PPP5C: variants seen among roughly 807,000 people sequenced by gnomAD.
PPP5C encodes the protein protein phosphatase 5 catalytic subunit.
In PPP5C, 21 loss-of-function variants were observed where a neutral mutation model predicts 66.7. That is an observed-to-expected ratio of 0.31 (90% CI 0.22 to 0.45). The LOEUF is 0.45. PPP5C is among the 20% of genes least tolerant of loss of function. The pLI, the probability that PPP5C is intolerant of heterozygous loss-of-function variation, is 1.00. For missense variants in PPP5C, 464 were observed against 675.9 expected, an observed-to-expected ratio of 0.69 and a Z score of 3.48; for synonymous variants, 246 against 257.4, an observed-to-expected ratio of 0.96 and a Z score of 0.43.
At chr19:46,356,298 G>A (rs944692829) in intron 2 of PPP5C, among the ~76,000 whole-genome samples, 4 of 152,248 alleles carry the variant, frequency 2.6e-5, no homozygotes, top group African/African-American at 4.8e-5. Context: ...CCATCCATAT[G>A]CCTGCAGGCC....
chr19:46,385,291 G>A (rs1568577152), intron 7 of PPP5C, among the ~76,000 whole-genome samples: 1 of 152,128 alleles, frequency 6.6e-6, no homozygotes, highest in Non-Finnish European at 1.5e-5. Flanking sequence ...GACTGTTGAC[G>A]AGGCAGTTGT....
Position 46,384,827 on chromosome 19 carries a change from C to T in PPP5C, c.822C>T (p.Asp274=), listed in dbSNP as rs1284221930. 6.2e-7 allele frequency: 1 copy of T among 1,614,006 alleles called. No individual in the cohort carries two copies. The highest frequency in any genetic ancestry group is 8.5e-7 in the Non-Finnish European group (1 of 1,179,898). The part of the protein sequence containing the change: ...NPYIFNGDFV[D]RGSFSVEVIL... ...AGATATTTAATGGTGACTTTGTGGA[C>T]CGAGGCTCCTTCTCTGTAGAAGTGA... Residue 274 remains aspartate (D), a synonymous_variant, in exon 7 of 13, where the codon GAC becomes GAT. Transcript: ENST00000012443.
At position 46,388,524 on chromosome 19, in the gene PPP5C, C is replaced by T; in HGVS notation, c.1177-29C>T. On this transcript the variant is annotated intron_variant, in intron 10 of 12. Transcript: ENST00000012443. The surrounding 1 kb of genome is among the most constrained non-coding windows in gnomAD (Gnocchi z 4.9). ...GTGGAGGCAGACAGTCACCCTGAAC[C>T]CCTGTCTCTCCCTTCTGCCCACCCT... is the stretch of plus-strand genomic sequence containing the variant. 1.2e-6 allele frequency: 2 copies of T among 1,612,158 alleles called. No homozygotes were observed. Among genetic ancestry groups the T allele is most frequent in the African/African-American group, 1.3e-5 (1 of 75,016 alleles).
chr19:46,386,650 T>C (rs111886826), intron 7 of PPP5C: 2,808 of 198,958 alleles, frequency 0.014, 98 homozygotes, highest in African/African-American at 0.061. Context: ...CTTTGCTCTG[T>C]TGCCCAGGCT....
chr19:46,379,509 G>C (rs1972753663), intron 4 of PPP5C, among the ~76,000 whole-genome samples: 1 of 152,180 alleles, frequency 6.6e-6, no homozygotes, highest in Non-Finnish European at 1.5e-5. Flanking sequence ...TTTAATTGGA[G>C]TGTTTAGTTC....
In PPP5C at chr19:46,375,739, A is replaced by G. The variant is rs373836899; in HGVS notation, c.499A>G (p.Ile167Val). The G allele has an allele frequency of 8.7e-6, 14 of 1,600,432 alleles. No individual in the cohort carries two copies. Among genetic ancestry groups the G allele is most frequent in the African/African-American group, 8.0e-5 (6 of 74,588 alleles). ...GCGCTCCGTGGTGGACTCGCTGGACATCGAGAGCATGAGTGAGTCAGGCCT... is the reference window on the plus strand; with the variant it reads ...GCGCTCCGTGGTGGACTCGCTGGACGTCGAGAGCATGAGTGAGTCAGGCCT... Reference protein sequence around the residue: ...HKRSVVDSLDIESMTIEDEYS... With the variant: ...HKRSVVDSLDVESMTIEDEYS... Residue 167 changes from isoleucine to valine, a missense_variant, in exon 3 of 13, where the codon ATC becomes GTC. Coordinates refer to ENST00000012443, the MANE Select transcript of PPP5C (RefSeq NM_006247.4).
intron 4 of PPP5C, among the ~76,000 whole-genome samples, chr19:46,380,905 C>A (rs1972779247): frequency 6.6e-6 from 1 of 152,082 alleles, no homozygotes. Flanking sequence ...GGGTTAATAT[C>A]TTTCATTAGT....
At position 46,375,875 on chromosome 19, in the gene PPP5C, C is replaced by T. The variant is rs1340510269; in HGVS notation, c.511+124C>T. The T allele has an allele frequency of 9.8e-6, 14 of 1,427,592 alleles. No homozygotes were observed. The East Asian group carries it at 2.3e-4, about 23-fold the overall frequency. 88.4% of individuals were successfully genotyped at this position (1,427,592 alleles called of 1,614,324 possible). On this transcript the variant is annotated intron_variant, in intron 3 of 12. Transcript: ENST00000012443. ...GTTCTGTCCCCAGGCTGGTGTCTGTCGCTCCTCTGCCTGTGTTCCAGGGCG... is the reference window on the plus strand; with the variant it reads ...GTTCTGTCCCCAGGCTGGTGTCTGTTGCTCCTCTGCCTGTGTTCCAGGGCG...
intron 2 of PPP5C, among the ~76,000 whole-genome samples, chr19:46,370,229 A>G (rs1442281383): frequency 6.6e-6 from 1 of 152,250 alleles, no homozygotes; most frequent in Non-Finnish European, 1.5e-5. Flanking sequence ...CACTTAGCTT[A>G]AAACACACAT....
intron 2 of PPP5C, among the ~76,000 whole-genome samples, 153 bp from the exon 3 acceptor site, chr19:46,375,451 C>T (rs943432878): frequency 9.9e-5 from 15 of 152,192 alleles, no homozygotes; most frequent in Non-Finnish European, 1.9e-4. Context: ...AACCAAGGCT[C>T]GGCAGTTAAA....
chr19:46,384,990 C>G, intron 7 of PPP5C, 81 bp downstream of exon 7: 2 of 1,127,990 alleles, frequency 1.8e-6, no homozygotes, highest in African/African-American at 1.5e-5. Flanking sequence ...ATAGTTGCAG[C>G]TGTATTTATT....
chr19:46,373,852 C>G (rs1360079467), intron 2 of PPP5C, among the ~76,000 whole-genome samples: 2 of 152,126 alleles, frequency 1.3e-5, no homozygotes, highest in African/African-American at 4.8e-5. Context: ...GAGGAGGGAT[C>G]AGTGGGGCTG....
intron 4 of PPP5C, among the ~76,000 whole-genome samples, chr19:46,379,514 T>C (rs1972753721): frequency 6.6e-6 from 1 of 152,254 alleles, no homozygotes; most frequent in Admixed American, 6.5e-5. Flanking sequence ...TTGGAGTGTT[T>C]AGTTCATTTA....
intron 2 of PPP5C, among the ~76,000 whole-genome samples, chr19:46,359,685 T>C (rs909049323): frequency 6.6e-6 from 1 of 152,190 alleles, no homozygotes; most frequent in Non-Finnish European, 1.5e-5. Flanking sequence ...AGTGTTATAC[T>C]TTATTTGCAT....
chr19:46,367,520 G>A (rs1051588457), intron 2 of PPP5C, among the ~76,000 whole-genome samples: 2 of 152,116 alleles, frequency 1.3e-5, no homozygotes, highest in Non-Finnish European at 2.9e-5. Context: ...GGAATCAAAG[G>A]CTTAGGGAAA....
At chr19:46,379,289 T>C (rs1392577722) in intron 4 of PPP5C, among the ~76,000 whole-genome samples, 1 of 152,176 alleles carries the variant, frequency 6.6e-6, no homozygotes, top group African/African-American at 2.4e-5. Flanking sequence ...CTTGACCTCG[T>C]GATCCACCTG....
intron 1 of PPP5C, 71 bp downstream of exon 1, chr19:46,347,288 G>A: frequency 6.7e-7 from 1 of 1,499,298 alleles, no homozygotes; most frequent in Admixed American, 2.2e-5. Context: ...CGGAACCATA[G>A]CAACGCGGAG....
At chr19:46,358,012 G>C (rs1483604065) in intron 2 of PPP5C, among the ~76,000 whole-genome samples, 1 of 152,132 alleles carries the variant, frequency 6.6e-6, no homozygotes, top group East Asian at 1.9e-4. Flanking sequence ...GCCCACTTTG[G>C]TCATTCCAGT....
chr19:46,390,738 C>A lies in PPP5C; in HGVS notation c.*392C>A, dbSNP rs1973007678. 2 of 1,138,938 alleles carry A rather than the reference C, an allele frequency of 1.8e-6. No individual in the cohort carries two copies. Among genetic ancestry groups the A allele is most frequent in the East Asian group, 5.9e-5 (1 of 16,840 alleles). The allele number at this position is 1,138,938 out of a possible 1,614,324, so 70.6% of individuals were successfully genotyped here. On this transcript the variant is annotated 3_prime_UTR_variant, in exon 13 of 13. Coordinates refer to ENST00000012443, the MANE Select transcript of PPP5C (RefSeq NM_006247.4). ...AGAGAGGGTCAGCAGGGGGGCCCCG[C>A]CTGCGCCTCCCCTCCTATAGCCCCA...
Sources: allele counts gnomAD v4.1 joint callset (sites outside exome capture counted in the v4.1 genomes callset), GRCh38; gene constraint gnomAD v4.1.1; non-coding constraint Gnocchi (gnomAD v3.1); transcripts MANE v1.5; gene names NCBI Gene and HGNC (gene_info 2026-07-23, HGNC 2026-07-21).